The following ABCC10 variants were observed in gnomAD, a reference collection of about 807,000 sequenced individuals.
The protein encoded by ABCC10 is ATP binding cassette subfamily C member 10, also known as ATP-binding cassette sub-family C member 10.
Under a neutral mutation model 143.2 loss-of-function variants are expected in ABCC10, and 110 were observed. The observed-to-expected ratio is 0.77, with a 90% CI of 0.66 to 0.90. The LOEUF (loss-of-function observed/expected upper bound fraction) is 0.90, where lower values mean the gene tolerates loss of function less well. Ranked by LOEUF, ABCC10 falls within the 40% of genes least tolerant of loss-of-function variation. The pLI is 0.00. For missense variants in ABCC10, 1,700 were observed against 1,900.5 expected (o/e 0.89, Z 1.96); for synonymous variants, 805 against 846.7 (o/e 0.95, Z 0.85).
intron 20 of ABCC10, 22 bp from the exon 21 acceptor site, chr6:43,449,400 C>CT (rs752396006): frequency 1.2e-5 from 19 of 1,601,652 alleles, no homozygotes; most frequent in Middle Eastern, 3.3e-4. Flanking sequence ...TTCTTATCCC[C>CT]TACCCCATTC....
At chr6:43,429,129 G>GA (rs767404397) in intron 2 of ABCC10, among the ~76,000 whole-genome samples, 5 of 152,274 alleles carry the variant, frequency 3.3e-5, no homozygotes, top group Admixed American at 6.5e-5. Context: ...GAGAGATCGA[G>GA]AATCTAAGAC....
rs1783608078 is a variant in ABCC10 at position 43,450,023 on chromosome 6, C to T, written c.4411C>T (p.His1471Tyr). 1.2e-6 allele frequency: 2 copies of T among 1,613,212 alleles called. No homozygotes were observed. The highest frequency in any genetic ancestry group is 8.5e-7 in the Non-Finnish European group (1 of 1,179,838). Residue 1471 changes from histidine (H) to tyrosine (Y), a missense_variant, in exon 22 of 22, where the codon CAC becomes TAC. By Grantham distance (83) the His-to-Tyr change is moderately conservative (BLOSUM62 2). Coordinates refer to ENST00000372530, the MANE Select transcript of ABCC10 (RefSeq NM_001198934.2). The surrounding 1 kb of genome is among the most constrained non-coding windows in gnomAD (Gnocchi z 4.5). ...DSPATLRNQP[H>Y]SLFQQLLQSS... is the part of the protein sequence containing the mutation. ...CCCGGCCACCCTGCGCAACCAGCCC[C>T]ACTCCCTGTTCCAGCAGCTGCTGCA...
chr6:43,447,899 CG>C lies in ABCC10; in HGVS notation c.3923del (p.Gly1308AlafsTer49). 6.2e-7 allele frequency: 1 copy of C among 1,613,752 alleles called. No homozygotes were observed. The highest frequency in any genetic ancestry group is 1.6e-4 in the Middle Eastern group (1 of 6,062). On this transcript the variant is annotated frameshift_variant, in exon 18 of 22. Transcript: ENST00000372530. LOFTEE classifies it high-confidence loss of function. Reference protein sequence around the residue: ...EPSSGRVLLDGVDTSQLELAQ... With the variant: ...EPSSGRVLLDXVDTSQLELAQ... ...CCAGTTCAGGGCGAGTGCTGCTGGA[CG>C]GCGTGGACACCAGCCAGCTGGAGCT...
chr6:43,444,727 G>A, intron 12 of ABCC10, 61 bp from the exon 13 acceptor site: 3 of 1,519,732 alleles, frequency 2.0e-6, no homozygotes, highest in South Asian at 2.6e-5. Context: ...AGGGGGCATT[G>A]GAATAGAATG....
chr6:43,427,724 G>A lies in ABCC10; in HGVS notation c.-45G>A. 3.5e-6 allele frequency: 2 copies of A among 575,648 alleles called. No individual in the cohort carries two copies. Among genetic ancestry groups the A allele is most frequent in the Non-Finnish European group, 6.2e-6 (2 of 320,126 alleles). 35.7% of individuals were successfully genotyped at this position (575,648 alleles called of 1,614,324 possible). On this transcript the variant is annotated 5_prime_UTR_variant, in exon 1 of 22. Transcript: ENST00000372530. ...GGTTTGAGGTTCCGGATGCCTGGGGGCGGAGAAACGGGAGGGGAAAAACAG... is the reference window on the plus strand; with the variant it reads ...GGTTTGAGGTTCCGGATGCCTGGGGACGGAGAAACGGGAGGGGAAAAACAG...
intron 18 of ABCC10, 84 bp from the exon 19 acceptor site, chr6:43,448,797 G>A: frequency 6.7e-7 from 1 of 1,494,568 alleles, no homozygotes; most frequent in Non-Finnish European, 9.0e-7. Flanking sequence ...TTTCATGGAG[G>A]TGCTAGCCCT....
intron 1 of ABCC10, 68 bp from the exon 2 acceptor site, chr6:43,427,900 C>T (rs759433166): frequency 7.6e-6 from 12 of 1,571,868 alleles, no homozygotes; most frequent in African/African-American, 1.3e-5. Context: ...ACAGGGAGAC[C>T]CGGCTGGGAA....
chr6:43,438,239 A>G, intron 7 of ABCC10: 1 of 1,004,954 alleles, frequency 1.0e-6, no homozygotes, highest in Non-Finnish European at 1.4e-6. Flanking sequence ...CAGCAAAGGA[A>G]TGGAAACATC....
chr6:43,445,846 G>A lies in ABCC10; in HGVS notation c.3278G>A (p.Arg1093Gln), dbSNP rs1562198938. ...TACAGGGCCTCCTCACGGGAGCTGCGGCGCCTGGGCAGCCTCACCCTGTCT... is the reference window on the plus strand; with the variant it reads ...TACAGGGCCTCCTCACGGGAGCTGCAGCGCCTGGGCAGCCTCACCCTGTCT... ...RHYRASSRELRRLGSLTLSPL... is the reference protein window; with the variant it reads ...RHYRASSRELQRLGSLTLSPL... Residue 1093 changes from arginine to glutamine, a missense_variant, in exon 15 of 22, where the codon CGG (arginine) becomes CAG (glutamine). By Grantham distance (43) the Arg-to-Gln change is conservative. Coordinates refer to ENST00000372530, the MANE Select transcript of ABCC10 (RefSeq NM_001198934.2). The A allele has an allele frequency of 5.6e-6, 9 of 1,614,106 alleles. No homozygotes were observed. The highest frequency in any genetic ancestry group is 2.7e-5 in the African/African-American group (2 of 75,056).
At chr6:43,446,955 C>T in intron 16 of ABCC10, 1 of 896,584 alleles carries the variant, frequency 1.1e-6, no homozygotes, top group Non-Finnish European at 1.4e-6. Context: ...TCAAGCAATT[C>T]TCCTGTCTCA....
downstream of ABCC10, chr6:43,450,583 G>A: frequency 6.3e-7 from 1 of 1,584,022 alleles, no homozygotes; most frequent in South Asian, 1.2e-5. This position sits in a 1 kb window ranked among gnomAD's most constrained non-coding sequence, Gnocchi z 4.5. Flanking sequence ...AAGTCACGTG[G>A]CAGGGGGAGC....
At position 43,432,496 on chromosome 6, in the gene ABCC10, A is replaced by C; in HGVS notation, c.516A>C (p.Leu172=). Residue 172 remains leucine, a synonymous_variant, in exon 3 of 22, where the codon CTA becomes CTC. Coordinates refer to ENST00000372530, the MANE Select transcript of ABCC10 (RefSeq NM_001198934.2). ...TTCTCCCAGGGCCCATGGCCCGCCT[A>C]TGCTTGCTCATCCTGCAGCTGGCTG... is the stretch of plus-strand genomic sequence containing the variant. ...PPLLPGPMAR[L]CLLILQLAAL... 1 of 1,611,968 alleles carries C rather than the reference A, an allele frequency of 6.2e-7. No individual in the cohort carries two copies. The highest frequency in any genetic ancestry group is 8.5e-7 in the Non-Finnish European group (1 of 1,179,982).
At chr6:43,444,976 A>G (rs2127406786) in intron 13 of ABCC10, 38 bp downstream of exon 13, 1 of 1,590,852 alleles carries the variant, frequency 6.3e-7, no homozygotes, top group East Asian at 2.2e-5. Flanking sequence ...TGGTGCTCTC[A>G]GAGTGGTCGC....
At chr6:43,436,562 T>A (rs1170525173) in intron 6 of ABCC10, among the ~76,000 whole-genome samples, 1 of 152,068 alleles carries the variant, frequency 6.6e-6, no homozygotes, top group East Asian at 1.9e-4. Flanking sequence ...TTATGTAGCA[T>A]CTCCCCCAGA....
chr6:43,429,983 T>C (rs576097290), intron 2 of ABCC10, among the ~76,000 whole-genome samples: 3 of 152,350 alleles, frequency 2.0e-5, no homozygotes, highest in East Asian at 3.9e-4. Flanking sequence ...CCTTGCTTTG[T>C]TGTCCAGGCT....
downstream of ABCC10, chr6:43,450,815 C>T: frequency 1.2e-6 from 2 of 1,614,226 alleles, no homozygotes; most frequent in Middle Eastern, 1.6e-4. This position sits in a 1 kb window ranked among gnomAD's most constrained non-coding sequence, Gnocchi z 4.5. Flanking sequence ...GCACCACCTC[C>T]TTCACTGAGA....
intron 16 of ABCC10, 143 bp downstream of exon 16, chr6:43,446,589 C>A: frequency 7.0e-7 from 1 of 1,427,342 alleles, no homozygotes; most frequent in Non-Finnish European, 9.2e-7. Flanking sequence ...TCATCATCAC[C>A]CCCGTTTGGA....
chr6:43,428,586 A>G (rs1780751278), intron 2 of ABCC10, among the ~76,000 whole-genome samples: 1 of 152,222 alleles, frequency 6.6e-6, no homozygotes, highest in African/African-American at 2.4e-5. Flanking sequence ...AGAAAAGCAT[A>G]CCTAGGCTCA....
chr6:43,449,216 G>A lies in ABCC10; in HGVS notation c.4203+12G>A. On this transcript the variant is annotated intron_variant, in intron 20 of 21. Coordinates refer to ENST00000372530, the MANE Select transcript of ABCC10 (RefSeq NM_001198934.2). ...TCACAGATGCCAAGGTAAGGTGAGAGAAAGAGACATTAGAGAGGGCCAGGA... is the reference window on the plus strand; with the variant it reads ...TCACAGATGCCAAGGTAAGGTGAGAAAAAGAGACATTAGAGAGGGCCAGGA... The A allele has an allele frequency of 6.2e-7, 1 of 1,613,388 alleles. No individual in the cohort carries two copies. Among genetic ancestry groups the A allele is most frequent in the Non-Finnish European group, 8.5e-7 (1 of 1,179,582 alleles).
Sources: allele counts gnomAD v4.1 joint callset (sites outside exome capture counted in the v4.1 genomes callset), GRCh38; gene constraint gnomAD v4.1.1; non-coding constraint Gnocchi (gnomAD v3.1); transcripts MANE v1.5; gene names NCBI Gene and HGNC (gene_info 2026-07-23, HGNC 2026-07-21).